NVL: variants seen among roughly 807,000 people sequenced by gnomAD.
NVL encodes nuclear VCP like.
Under a neutral mutation model 110.2 loss-of-function variants are expected in NVL, and 84 were observed. The observed-to-expected ratio is 0.76, with a 90% CI of 0.64 to 0.91. The LOEUF (loss-of-function observed/expected upper bound fraction) is 0.91. Ranked by LOEUF, NVL falls within the 40% of genes least tolerant of loss-of-function variation. NVL has a pLI of 0.00. For synonymous variants in NVL, 354 were observed against 361.1 expected (o/e 0.98, Z 0.22); for missense variants, 882 against 1,035.9 (o/e 0.85, Z 2.04).
intron 12 of NVL, among the ~76,000 whole-genome samples, chr1:224,291,107 A>ATAT (rs1219786208): frequency 6.6e-6 from 1 of 152,256 alleles, no homozygotes; most frequent in African/African-American, 2.4e-5. Flanking sequence ...TATTCAATCT[A>ATAT]TATTATAGTA....
rs186989517 is a variant in NVL, at chr1:224,270,983, T to C, written c.2083-2850A>G. ...AATATATATCAATCTTCAACCCTGA[T>C]TTTCACTTCCAAAAATCTATCTCAT... is the stretch of plus-strand genomic sequence containing the variant. On this transcript the variant is annotated intron_variant, in intron 17 of 22. Coordinates refer to ENST00000281701, the MANE Select transcript of NVL (RefSeq NM_002533.4). Among the ~76,000 whole-genome samples the C allele has an allele frequency of 5.1e-3, 776 of 152,284 alleles. 4 individuals are homozygous for C. The highest frequency in any genetic ancestry group is 8.7e-3 in the Non-Finnish European group (590 of 68,026).
chr1:224,311,627 C>T (rs1469816164), intron 5 of NVL, among the ~76,000 whole-genome samples, 173 bp downstream of exon 5: 1 of 151,154 alleles, frequency 6.6e-6, no homozygotes, highest in Admixed American at 6.6e-5. Context: ...GCCATGTTGC[C>T]CAGGCTGGTC....
chr1:224,304,413 C>G (rs562150530), intron 8 of NVL, among the ~76,000 whole-genome samples: 1 of 151,770 alleles, frequency 6.6e-6, no homozygotes, highest in Non-Finnish European at 1.5e-5. Flanking sequence ...GACAGAGCTA[C>G]ACTCCTTCTC....
intron 20 of NVL, among the ~76,000 whole-genome samples, chr1:224,233,587 A>G (rs1660146078): frequency 6.6e-6 from 1 of 152,074 alleles, no homozygotes; most frequent in Admixed American, 6.6e-5. Context: ...GAGAAATGCC[A>G]TATCTACAAA....
At chr1:224,273,366 T>C (rs1462777409) in intron 17 of NVL, among the ~76,000 whole-genome samples, 1 of 150,446 alleles carries the variant, frequency 6.6e-6, no homozygotes, top group East Asian at 2.0e-4. Context: ...TGAGCTGAGA[T>C]AGTGCCATTG....
chr1:224,249,481 A>G lies in NVL; in HGVS notation c.2289+731T>C, dbSNP rs137961257. 5.2e-3 allele frequency among the ~76,000 whole-genome samples: 797 copies of G among 152,064 alleles called. 8 individuals carry two copies. The highest frequency in any genetic ancestry group is 0.018 in the African/African-American group (758 of 41,538). ...CTTGCGGGGTCTGGTGCGGTGGCTC[A>G]CGCCTGTAATCCCAGCACTTTGGGA... On this transcript the variant is annotated intron_variant, in intron 19 of 22. Transcript: ENST00000281701.
intron 4 of NVL, among the ~76,000 whole-genome samples, chr1:224,314,988 G>A (rs534780699): frequency 2.8e-4 from 43 of 152,122 alleles, no homozygotes; most frequent in South Asian, 8.3e-4. Flanking sequence ...TCCAGCCTGG[G>A]CGACAAGAGT....
chr1:224,233,161 T>A (rs1660085154), intron 21 of NVL, 40 bp downstream of exon 21: 2 of 1,541,290 alleles, frequency 1.3e-6, no homozygotes, highest in Non-Finnish European at 1.8e-6. Flanking sequence ...TGGTTTTAAG[T>A]ATCATAATTA....
At chr1:224,285,385 A>C (rs1192243148) in intron 15 of NVL, among the ~76,000 whole-genome samples, 1 of 152,204 alleles carries the variant, frequency 6.6e-6, no homozygotes, top group Admixed American at 6.5e-5. Context: ...CAGTGAGCCA[A>C]GATCATGCCA....
intron 19 of NVL, among the ~76,000 whole-genome samples, chr1:224,248,489 G>A (rs555077375): frequency 1.3e-5 from 2 of 152,190 alleles, no homozygotes; most frequent in South Asian, 2.1e-4. Flanking sequence ...CTCCCTCCTC[G>A]GGGTGATTTT....
At chr1:224,278,226 CTTTTTTTTT>C (rs931102981) in intron 16 of NVL, among the ~76,000 whole-genome samples, 20 of 111,132 alleles carry the variant, frequency 1.8e-4, no homozygotes, top group Non-Finnish European at 2.8e-4. Flanking sequence ...ATCATCTAAT[CTTTTTTTTT>C]TTTTTTTTTT....
At chr1:224,322,376 G>A (rs544249978) in intron 2 of NVL, among the ~76,000 whole-genome samples, 1 of 151,684 alleles carries the variant, frequency 6.6e-6, no homozygotes, top group Non-Finnish European at 1.5e-5. Context: ...GAGCCACTGT[G>A]CCCTGGCCTT....
chr1:224,328,371 G>C (rs2404858), intron 1 of NVL, among the ~76,000 whole-genome samples: 1 of 151,740 alleles, frequency 6.6e-6, no homozygotes, highest in East Asian at 1.9e-4. Context: ...AATACAAAAA[G>C]TAGCCAGGCG....
chr1:224,281,312 T>A (rs1027118882), intron 15 of NVL, 127 bp from the exon 16 acceptor site: 76 of 749,010 alleles, frequency 1.0e-4, no homozygotes, highest in African/African-American at 9.1e-4. Flanking sequence ...TGTGTGTGTG[T>A]GAGATTTAGA....
intron 18 of NVL, among the ~76,000 whole-genome samples, chr1:224,254,215 C>T (rs1410860009): frequency 1.3e-5 from 2 of 151,864 alleles, no homozygotes; most frequent in Non-Finnish European, 2.9e-5. Context: ...GCCTCAGCCT[C>T]CTGAGCAGCT....
intron 2 of NVL, among the ~76,000 whole-genome samples, chr1:224,318,861 C>T (rs998013892): frequency 2.4e-4 from 36 of 150,434 alleles, no homozygotes; most frequent in African/African-American, 6.8e-4. Flanking sequence ...TGGTGGTGGG[C>T]GCCTGTAGTC....
chr1:224,289,296 A>G (rs548482159), intron 13 of NVL, 188 bp downstream of exon 13: 4 of 572,502 alleles, frequency 7.0e-6, no homozygotes, highest in Non-Finnish European at 1.2e-5. Context: ...TTATTAAAAT[A>G]AACTAAACAT....
chr1:224,227,565 C>A lies in NVL; in HGVS notation c.*61G>T. 6.6e-7 allele frequency: 1 copy of A among 1,505,840 alleles called. No homozygotes were observed. 93.3% of individuals were successfully genotyped at this position (1,505,840 alleles called of 1,614,324 possible). A position where few individuals can be genotyped will look rare whatever the true frequency, so the allele number is the denominator to read the frequency against. Reference sequence around the variant, plus strand: ...CCAGCTGAAAGTGGGTCCTTCAGAGCGTGTGGGGGATTCTCTGCCGGCTTG... The same window carrying A: ...CCAGCTGAAAGTGGGTCCTTCAGAGAGTGTGGGGGATTCTCTGCCGGCTTG... On this transcript the variant is annotated 3_prime_UTR_variant, in exon 23 of 23. Coordinates refer to ENST00000281701, the MANE Select transcript of NVL (RefSeq NM_002533.4).
At chr1:224,275,217 G>T in intron 17 of NVL, 122 bp downstream of exon 17, 1 of 1,077,090 alleles carries the variant, frequency 9.3e-7, no homozygotes, top group Non-Finnish European at 1.4e-6. Flanking sequence ...AAATTACTAA[G>T]TGTCTTCATT....
Sources: allele counts gnomAD v4.1 joint callset (sites outside exome capture counted in the v4.1 genomes callset), GRCh38; gene constraint gnomAD v4.1.1; transcripts MANE v1.5; gene names NCBI Gene and HGNC (gene_info 2026-07-23, HGNC 2026-07-21).